Variants in SLC38A12 observed in about 807,000 individuals in gnomAD.
SLC38A12 encodes putative sodium-coupled neutral amino acid transporter 12.
chr17:74,795,919 A>G, the SLC38A12 span, among the ~76,000 whole-genome samples: 1 of 152,230 alleles, frequency 6.6e-6, no homozygotes, highest in African/African-American at 2.4e-5. Context: ...AACTTAGCTC[A>G]GATTCTAGGG....
At chr17:74,801,643 G>A in the SLC38A12 span, among the ~76,000 whole-genome samples, 4 of 152,276 alleles carry the variant, frequency 2.6e-5, no homozygotes, top group Admixed American at 6.5e-5. Flanking sequence ...GCCCGTACCC[G>A]CCACCCAAGC....
the SLC38A12 span, among the ~76,000 whole-genome samples, chr17:74,802,474 A>G: frequency 6.6e-6 from 1 of 152,168 alleles, no homozygotes; most frequent in African/African-American, 2.4e-5. Flanking sequence ...GAGGGGTGAC[A>G]GGGTCTTATG....
the SLC38A12 span, chr17:74,836,260 T>C: frequency 1.2e-6 from 2 of 1,611,604 alleles, no homozygotes; most frequent in Non-Finnish European, 1.7e-6. This position sits in a 1 kb window ranked among gnomAD's most constrained non-coding sequence, Gnocchi z 4.2. Flanking sequence ...GCTGTGCGCT[T>C]TTTCCTGGGC....
chr17:74,794,930 T>A, the SLC38A12 span: 1 of 1,131,130 alleles, frequency 8.8e-7, no homozygotes, highest in African/African-American at 1.7e-5. Context: ...AGGTAGAGAT[T>A]TAGTCAAAAA....
the SLC38A12 span, chr17:74,836,281 T>C: frequency 2.5e-6 from 4 of 1,612,016 alleles, no homozygotes; most frequent in Non-Finnish European, 2.5e-6. The surrounding 1 kb of genome is among the most constrained non-coding windows in gnomAD (Gnocchi z 4.2). Flanking sequence ...CTCTTCCCCG[T>C]CTTCACCATC....
the SLC38A12 span, among the ~76,000 whole-genome samples, chr17:74,800,765 C>T: frequency 6.6e-6 from 1 of 150,476 alleles, no homozygotes; most frequent in African/African-American, 2.5e-5. Context: ...GAACACTGCC[C>T]CCGAGTTTAT....
chr17:74,824,003 A>G, the SLC38A12 span, among the ~76,000 whole-genome samples: 1 of 152,190 alleles, frequency 6.6e-6, no homozygotes, highest in Non-Finnish European at 1.5e-5. Context: ...CTTCAGCATC[A>G]TCTTGGTCAG....
chr17:74,834,020 G>C, the SLC38A12 span, among the ~76,000 whole-genome samples: 1 of 152,246 alleles, frequency 6.6e-6, no homozygotes, highest in African/African-American at 2.4e-5. Flanking sequence ...TCCGCCTCCA[G>C]CCTGTCTGCT....
chr17:74,784,428 A>T, the SLC38A12 span, among the ~76,000 whole-genome samples: 2 of 152,272 alleles, frequency 1.3e-5, no homozygotes, highest in African/African-American at 2.4e-5. Flanking sequence ...AGGAAGGAGG[A>T]TGGGGCCACT....
the SLC38A12 span, among the ~76,000 whole-genome samples, chr17:74,789,837 C>T: frequency 8.8e-6 from 1 of 113,690 alleles, no homozygotes; most frequent in Non-Finnish European, 1.7e-5. Flanking sequence ...AAGAGCAAAA[C>T]TTCGTCTCAA....
the SLC38A12 span, chr17:74,836,510 C>G: frequency 6.2e-7 from 1 of 1,612,456 alleles, no homozygotes; most frequent in Non-Finnish European, 8.5e-7. This position sits in a 1 kb window ranked among gnomAD's most constrained non-coding sequence, Gnocchi z 4.2. Flanking sequence ...ACGTCATCCC[C>G]GCCTTCCTGG....
the SLC38A12 span, among the ~76,000 whole-genome samples, chr17:74,812,185 C>T: frequency 6.6e-6 from 1 of 151,360 alleles, no homozygotes; most frequent in African/African-American, 2.4e-5. Flanking sequence ...ACGCTCATGT[C>T]TGTTGAGTGT....
chr17:74,836,242 G>A, the SLC38A12 span: 1 of 1,611,420 alleles, frequency 6.2e-7, no homozygotes, highest in Admixed American at 1.7e-5. The surrounding 1 kb of genome is among the most constrained non-coding windows in gnomAD (Gnocchi z 4.2). Flanking sequence ...GACGTCGTGG[G>A]CCTGGCCGCT....
At chr17:74,838,134 G>A in the SLC38A12 span, 2 of 985,776 alleles carry the variant, frequency 2.0e-6, no homozygotes, top group Non-Finnish European at 2.4e-6. Flanking sequence ...CCTCTGCCCT[G>A]GCAGCTGAAG....
the SLC38A12 span, chr17:74,785,776 C>A: frequency 1.2e-6 from 1 of 854,572 alleles, no homozygotes; most frequent in African/African-American, 1.7e-5. Context: ...GTCACAGAGG[C>A]CTCCTGGTGG....
chr17:74,785,497 A>G, the SLC38A12 span: 4 of 1,612,434 alleles, frequency 2.5e-6, no homozygotes, highest in South Asian at 2.2e-5. Context: ...GCTGGTGTAC[A>G]TGTTTAACCT....
the SLC38A12 span, among the ~76,000 whole-genome samples, chr17:74,783,888 C>A: frequency 6.6e-6 from 1 of 151,812 alleles, no homozygotes; most frequent in Non-Finnish European, 1.5e-5. Flanking sequence ...ACGCCACCCC[C>A]CAGCTAATTT....
At chr17:74,806,144 G>A in the SLC38A12 span, among the ~76,000 whole-genome samples, 1 of 152,146 alleles carries the variant, frequency 6.6e-6, no homozygotes, top group African/African-American at 2.4e-5. Context: ...TGGCTCAGAG[G>A]GTCCCCCATC....
At chr17:74,810,607 G>A in the SLC38A12 span, among the ~76,000 whole-genome samples, 18 of 152,328 alleles carry the variant, frequency 1.2e-4, no homozygotes, top group South Asian at 2.5e-3. Flanking sequence ...TTGCGTTGGT[G>A]TCTAGAACCC....
Sources: gnomAD v4.1 joint callset for allele counts (sites outside exome capture counted in the v4.1 genomes callset) on GRCh38, gnomAD v4.1.1 for gene constraint, Gnocchi (gnomAD v3.1) non-coding constraint, MANE v1.5 for transcripts, NCBI Gene and HGNC (gene_info 2026-07-23, HGNC 2026-07-21) for gene names.